CERS3: variants seen among roughly 807,000 people sequenced by gnomAD.
CERS3 encodes the protein ceramide synthase 3.
CERS3 carries 33 observed loss-of-function variants against 50.3 expected under a neutral mutation model. The ratio of observed to expected loss-of-function variants is 0.66; its 90% CI spans 0.50 to 0.88. CERS3 has a LOEUF of 0.88. Ranked by LOEUF, CERS3 falls within the 40% of genes least tolerant of loss-of-function variation. The pLI is 0.00. For synonymous variants in CERS3, 176 were observed against 155.2 expected, an observed-to-expected ratio of 1.13 and a Z score of -0.99; for missense variants, 470 against 460.3, an observed-to-expected ratio of 1.02 and a Z score of -0.19.
At chr15:100,479,612 T>C (rs959327324) in intron 6 of CERS3, 134 bp from the exon 7 acceptor site, 2 of 658,844 alleles carry the variant, frequency 3.0e-6, no homozygotes, top group African/African-American at 3.7e-5. Context: ...AAATTGACCT[T>C]TGCCATATTC....
Position 100,423,699 on chromosome 15 carries a change from A to G in CERS3, c.1000-20834T>C, listed in dbSNP as rs11852954. Among the ~76,000 whole-genome samples the G allele has an allele frequency of 9.5e-3, 1,454 of 152,280 alleles. 26 individuals carry two copies. Among genetic ancestry groups the G allele is most frequent in the African/African-American group, 0.033 (1,362 of 41,544 alleles). On this transcript the variant is annotated intron_variant, in intron 11 of 11. Coordinates refer to ENST00000679737, the MANE Select transcript of CERS3 (RefSeq NM_001378789.1). ...AATCATTTGTACACCAAACCCCAGC[A>G]ACATGCAATTTACCCAAGTAACAAA...
intron 11 of CERS3, among the ~76,000 whole-genome samples, chr15:100,452,178 T>C (rs1332509471): frequency 2.6e-5 from 4 of 151,636 alleles, no homozygotes; most frequent in African/African-American, 9.8e-5. Context: ...ATACACATTC[T>C]TCTCATCAGC....
At chr15:100,513,535 C>CTT (rs1222725376) in intron 2 of CERS3, among the ~76,000 whole-genome samples, 19 of 53,242 alleles carry the variant, frequency 3.6e-4, no homozygotes, top group African/African-American at 1.0e-3. Flanking sequence ...TTCTTGTTTT[C>CTT]TTTTCTTTTT....
intron 1 of CERS3, among the ~76,000 whole-genome samples, chr15:100,525,136 G>T (rs1484403290): frequency 6.6e-6 from 1 of 152,156 alleles, no homozygotes; most frequent in Admixed American, 6.5e-5. Flanking sequence ...ATACACACAT[G>T]TGTATGAATG....
chr15:100,450,484 T>C (rs991359803), intron 11 of CERS3, among the ~76,000 whole-genome samples: 1 of 146,998 alleles, frequency 6.8e-6, no homozygotes, highest in Non-Finnish European at 1.5e-5. Flanking sequence ...TGAAGACAGG[T>C]CTTTTGAAAG....
At chr15:100,458,353 G>A (rs148810338) in intron 10 of CERS3, among the ~76,000 whole-genome samples, 214 of 152,272 alleles carry the variant, frequency 1.4e-3, no homozygotes, top group African/African-American at 4.6e-3. Context: ...GGGAGGCTGA[G>A]GCAGGTGCAT....
At chr15:100,543,540 T>C (rs1029641378) in intron 1 of CERS3, among the ~76,000 whole-genome samples, 7 of 151,654 alleles carry the variant, frequency 4.6e-5, no homozygotes, top group African/African-American at 1.5e-4. Flanking sequence ...TTTCTTTTTT[T>C]TTTTTTTATT....
At chr15:100,434,402 A>G (rs2033294101) in intron 11 of CERS3, among the ~76,000 whole-genome samples, 1 of 152,260 alleles carries the variant, frequency 6.6e-6, no homozygotes, top group South Asian at 2.1e-4. Flanking sequence ...TTCCCAAATC[A>G]GAGCACAGAT....
At chr15:100,444,287 T>TCCTTCAGCTGTACTCACTCTTTG (rs2033838679) in intron 11 of CERS3, among the ~76,000 whole-genome samples, 1 of 152,286 alleles carries the variant, frequency 6.6e-6, no homozygotes, top group Middle Eastern at 3.4e-3. Flanking sequence ...GCTCCCCGGC[T>TCCTTCAGCTGTACTCACTCTTTG]CCTTCAGCTG....
At chr15:100,481,143 T>C (rs931311824) in intron 5 of CERS3, among the ~76,000 whole-genome samples, 5 of 152,200 alleles carry the variant, frequency 3.3e-5, no homozygotes, top group Non-Finnish European at 4.4e-5. Flanking sequence ...AATACCCATT[T>C]TGTAAATGTA....
intron 1 of CERS3, among the ~76,000 whole-genome samples, chr15:100,535,861 C>T (rs1287568866): frequency 2.1e-4 from 12 of 56,734 alleles, no homozygotes; most frequent in Non-Finnish European, 2.4e-4. Context: ...GAAGTGGGGA[C>T]ATCCCTGTGC....
chr15:100,494,806 C>T (rs1391658288), intron 3 of CERS3, among the ~76,000 whole-genome samples: 1 of 152,206 alleles, frequency 6.6e-6, no homozygotes, highest in Non-Finnish European at 1.5e-5. Context: ...GAGCTTATGG[C>T]CTTCCCAGGT....
intron 10 of CERS3, among the ~76,000 whole-genome samples, chr15:100,466,574 A>G (rs1481151301): frequency 6.6e-6 from 1 of 151,886 alleles, no homozygotes; most frequent in African/African-American, 2.4e-5. Context: ...TCTCTCTAGC[A>G]CTCTCTTGAA....
intron 11 of CERS3, among the ~76,000 whole-genome samples, chr15:100,405,233 T>TAAAAAAA (rs752244347): frequency 2.9e-5 from 1 of 34,894 alleles, no homozygotes; most frequent in African/African-American, 7.1e-5. Context: ...AACTCAATGG[T>TAAAAAAA]AAAAAAAAAA....
chr15:100,451,007 TA>T (rs1281244169), intron 11 of CERS3, among the ~76,000 whole-genome samples: 1 of 152,154 alleles, frequency 6.6e-6, no homozygotes, highest in Non-Finnish European at 1.5e-5. Context: ...ATGCAAAAAC[TA>T]AGGGAATTCA....
chr15:100,465,816 A>C (rs1196252090), intron 10 of CERS3, among the ~76,000 whole-genome samples: 1 of 151,714 alleles, frequency 6.6e-6, no homozygotes, highest in Non-Finnish European at 1.5e-5. Context: ...TCGCCATCAC[A>C]CCCGGCTAAT....
intron 5 of CERS3, among the ~76,000 whole-genome samples, chr15:100,483,881 C>T (rs924138258): frequency 7.4e-4 from 110 of 148,952 alleles, no homozygotes; most frequent in African/African-American, 2.5e-3. Context: ...CCCAGGTTCA[C>T]GCCATTCTCC....
At chr15:100,474,394 C>T (rs541882061) in intron 8 of CERS3, among the ~76,000 whole-genome samples, 60 of 151,284 alleles carry the variant, frequency 4.0e-4, no homozygotes, top group African/African-American at 1.4e-3. Context: ...TGCTGTATAT[C>T]AGGAAGTTTC....
intron 10 of CERS3, among the ~76,000 whole-genome samples, chr15:100,465,033 G>T (rs138851796): frequency 3.8e-4 from 58 of 152,158 alleles, no homozygotes; most frequent in African/African-American, 1.3e-3. Flanking sequence ...AAAGGGCAAG[G>T]GAAATGCACA....
Sources: allele counts gnomAD v4.1 joint callset (sites outside exome capture counted in the v4.1 genomes callset), GRCh38; gene constraint gnomAD v4.1.1; transcripts MANE v1.5; gene names NCBI Gene and HGNC (gene_info 2026-07-23, HGNC 2026-07-21).